Variants in DPP10 observed in about 807,000 individuals in gnomAD.
DPP10 encodes the protein inactive dipeptidyl peptidase 10.
A neutral mutation model predicts 120.9 loss-of-function variants in DPP10; 33 were observed. The ratio of observed to expected loss-of-function variants is 0.27; its 90% CI spans 0.21 to 0.37. DPP10 has a LOEUF of 0.37. Ranked by LOEUF, DPP10 falls within the 10% of genes least tolerant of loss-of-function variation. DPP10 has a pLI of 1.00. For missense variants in DPP10, 816 were observed against 942.8 expected (o/e 0.87, Z 1.76); for synonymous variants, 337 against 326.1 (o/e 1.03, Z -0.36).
intron 3 of DPP10, among the ~76,000 whole-genome samples, chr2:115,379,017 T>G (rs1358424146): frequency 6.6e-6 from 1 of 152,218 alleles, no homozygotes; most frequent in Non-Finnish European, 1.5e-5. Flanking sequence ...CATTCTCTTT[T>G]TTGGTTGTTT....
chr2:115,466,068 T>C (rs1018386744), intron 3 of DPP10, among the ~76,000 whole-genome samples: 2 of 151,780 alleles, frequency 1.3e-5, no homozygotes, highest in Admixed American at 1.3e-4. Context: ...AAAGTGAAAA[T>C]GTAAAAATGT....
At chr2:115,785,626 G>A (rs13021519) in intron 17 of DPP10, among the ~76,000 whole-genome samples, 40,654 of 152,000 alleles carry the variant, frequency 0.27, 5,793 homozygotes, top group Middle Eastern at 0.44. Context: ...TGGGCATAGC[G>A]GCACTCATAA....
chr2:115,501,797 A>G (rs529645523), intron 4 of DPP10, among the ~76,000 whole-genome samples: 2 of 152,214 alleles, frequency 1.3e-5, no homozygotes, highest in African/African-American at 2.4e-5. Flanking sequence ...AAATGGCATT[A>G]TTTAATACAC....
intron 1 of DPP10, among the ~76,000 whole-genome samples, chr2:115,289,230 C>T (rs2105915924): frequency 6.6e-6 from 1 of 152,048 alleles, no homozygotes; most frequent in East Asian, 1.9e-4. Flanking sequence ...ATATGCTTAA[C>T]TAAGGAGGTG....
At chr2:115,616,420 C>T (rs1373236464) in intron 5 of DPP10, among the ~76,000 whole-genome samples, 1 of 151,710 alleles carries the variant, frequency 6.6e-6, no homozygotes, top group Non-Finnish European at 1.5e-5. Context: ...TTGCTTTAAT[C>T]CCCCAGTATC....
rs7608718 is a variant in DPP10, at chr2:115,134,136, G to A, written c.61-175103G>A. Among the ~76,000 whole-genome samples the A allele has an allele frequency of 8.3e-3, 1,264 of 152,184 alleles. 28 individuals are homozygous for A. Among genetic ancestry groups the A allele is most frequent in the African/African-American group, 0.029 (1,211 of 41,540 alleles). On this transcript the variant is annotated intron_variant, in intron 1 of 25. Transcript: ENST00000410059. ...GCTGGAAGATTGGAAATAACATTAG[G>A]AAAAAGATCTTTTATGAGACATGAT...
chr2:114,805,843 T>C lies in DPP10; in HGVS notation c.60+363005T>C, dbSNP rs1684674706. 4.0e-5 allele frequency among the ~76,000 whole-genome samples: 6 copies of C among 151,854 alleles called. No homozygotes were observed. The South Asian group carries it at 1.2e-3, about 31-fold the overall frequency. The stretch of plus-strand genomic sequence containing the variant: ...GACACATTGCACTTTCACTTACAAC[T>C]TATTGGCCATAATTATCATATGACC... On this transcript the variant is annotated intron_variant, in intron 1 of 25. Coordinates refer to ENST00000410059, the MANE Select transcript of DPP10 (RefSeq NM_020868.6).
chr2:115,552,058 A>G (rs549244589), intron 5 of DPP10, among the ~76,000 whole-genome samples: 8 of 152,222 alleles, frequency 5.3e-5, no homozygotes, highest in African/African-American at 1.9e-4. Context: ...ATTCCAAGCA[A>G]AAGAGTAGAT....
chr2:114,788,983 A>C (rs1157243248), intron 1 of DPP10, among the ~76,000 whole-genome samples: 2 of 152,054 alleles, frequency 1.3e-5, no homozygotes, highest in Non-Finnish European at 2.9e-5. Flanking sequence ...GATGATATCA[A>C]CTCCAAGGGT....
intron 1 of DPP10, among the ~76,000 whole-genome samples, chr2:115,090,641 A>G (rs1317578953): frequency 6.6e-6 from 1 of 151,868 alleles, no homozygotes; most frequent in Non-Finnish European, 1.5e-5. Context: ...CTTAACAGTC[A>G]AAGACAGGTT....
chr2:115,112,913 G>T (rs1389473302), intron 1 of DPP10, among the ~76,000 whole-genome samples: 1 of 152,052 alleles, frequency 6.6e-6, no homozygotes, highest in Non-Finnish European at 1.5e-5. Context: ...TCAGCCATAT[G>T]CTTCCCCATT....
intron 1 of DPP10, among the ~76,000 whole-genome samples, chr2:115,282,581 G>A (rs2060203891): frequency 6.6e-6 from 1 of 151,876 alleles, no homozygotes; most frequent in Non-Finnish European, 1.5e-5. Context: ...ATTTCATTTG[G>A]TGTTTACAGC....
At chr2:114,878,716 A>G (rs940075811) in intron 1 of DPP10, among the ~76,000 whole-genome samples, 1 of 152,098 alleles carries the variant, frequency 6.6e-6, no homozygotes, top group Admixed American at 6.6e-5. Context: ...ACTTCACTTA[A>G]CATAATGACC....
chr2:115,616,435 C>T (rs758512593), intron 5 of DPP10, among the ~76,000 whole-genome samples: 4 of 151,668 alleles, frequency 2.6e-5, no homozygotes, highest in Non-Finnish European at 5.9e-5. Flanking sequence ...AGTATCCCTA[C>T]TCTAATCTAA....
chr2:114,762,693 G>A (rs572390481), intron 1 of DPP10, among the ~76,000 whole-genome samples: 33 of 152,224 alleles, frequency 2.2e-4, no homozygotes, highest in African/African-American at 7.2e-4. Flanking sequence ...ATGCTATGAG[G>A]CAGCATCAGA....
chr2:114,910,363 A>G (rs969977120), intron 1 of DPP10, among the ~76,000 whole-genome samples: 2 of 151,994 alleles, frequency 1.3e-5, no homozygotes, highest in Non-Finnish European at 2.9e-5. Context: ...GGAGGAAGCA[A>G]TAAGATGGTA....
intron 1 of DPP10, among the ~76,000 whole-genome samples, chr2:115,025,919 T>C (rs970204867): frequency 1.3e-5 from 2 of 152,184 alleles, no homozygotes; most frequent in African/African-American, 4.8e-5. Context: ...TTCTGGTTAT[T>C]CATCCCTTGT....
chr2:115,196,258 A>G (rs1268345957), intron 1 of DPP10, among the ~76,000 whole-genome samples: 2 of 152,324 alleles, frequency 1.3e-5, no homozygotes, highest in African/African-American at 4.8e-5. Flanking sequence ...GTATGTGATC[A>G]TTGGAGCATG....
chr2:115,483,827 G>T (rs1351957013), intron 3 of DPP10, among the ~76,000 whole-genome samples: 1 of 151,958 alleles, frequency 6.6e-6, no homozygotes, highest in Non-Finnish European at 1.5e-5. Context: ...ATGGAGATTT[G>T]TGATTCTCCC....
Sources: gnomAD v4.1 joint callset for allele counts (sites outside exome capture counted in the v4.1 genomes callset) on GRCh38, gnomAD v4.1.1 for gene constraint, MANE v1.5 for transcripts, NCBI Gene and HGNC (gene_info 2026-07-23, HGNC 2026-07-21) for gene names.